RERE: variants seen among roughly 807,000 people sequenced by gnomAD.
RERE encodes the protein arginine-glutamic acid dipeptide repeats.
RERE carries 40 observed loss-of-function variants against 146.1 expected under a neutral mutation model. The ratio of observed to expected loss-of-function variants is 0.27; its 90% CI spans 0.21 to 0.36. The LOEUF is 0.36. RERE is among the 10% of genes least tolerant of loss of function. The pLI, the probability that RERE is intolerant of heterozygous loss-of-function variation, is 1.00. For missense variants in RERE, 1,933 were observed against 2,138.7 expected (o/e 0.90, Z 1.90); for synonymous variants, 1,003 against 866.0 (o/e 1.16, Z -2.78).
At chr1:8,595,252 G>A (rs1328488557) in intron 4 of RERE, among the ~76,000 whole-genome samples, 1 of 150,426 alleles carries the variant, frequency 6.6e-6, no homozygotes, top group Non-Finnish European at 1.5e-5. Context: ...TTGCCTATGT[G>A]GGTATCAACC....
intron 6 of RERE, among the ~76,000 whole-genome samples, chr1:8,542,177 AG>A (rs1645808371): frequency 6.6e-6 from 1 of 152,110 alleles, no homozygotes; most frequent in Admixed American, 6.6e-5. Context: ...ATTCCCAAAG[AG>A]GCAGGGGAGG....
Position 8,364,015 on chromosome 1 carries a change from TGAA to T in RERE, c.1740+38_1740+40del, listed in dbSNP as rs767498202. The T allele has an allele frequency of 3.2e-6, 5 of 1,584,238 alleles. No homozygotes were observed. Among genetic ancestry groups the T allele is most frequent in the Middle Eastern group, 3.4e-4 (2 of 5,864 alleles). The stretch of plus-strand genomic sequence containing the variant: ...CAAGCCCCCACACATCCCAGGAAAC[TGAA>T]GAAGTTGCCAGGAGCCCCATGGCCC... On this transcript the variant is annotated intron_variant, in intron 15 of 22. Transcript: ENST00000400908. This position sits in a 1 kb window ranked among gnomAD's most constrained non-coding sequence, Gnocchi z 5.1.
At chr1:8,551,022 G>T (rs1396344972) in intron 6 of RERE, among the ~76,000 whole-genome samples, 1 of 152,124 alleles carries the variant, frequency 6.6e-6, no homozygotes, top group South Asian at 2.1e-4. Flanking sequence ...CTAATTTAGG[G>T]CTCCTTGGCC....
chr1:8,546,454 A>G (rs1335636068), intron 6 of RERE, among the ~76,000 whole-genome samples: 6 of 152,076 alleles, frequency 3.9e-5, no homozygotes, highest in African/African-American at 1.2e-4. Context: ...TTTAATCGGA[A>G]TGATTTTTTT....
chr1:8,476,253 G>A (rs147197205), intron 10 of RERE, among the ~76,000 whole-genome samples: 3 of 152,284 alleles, frequency 2.0e-5, no homozygotes, highest in African/African-American at 7.2e-5. Flanking sequence ...CAGAGGTTCA[G>A]TATGTTTCTC....
chr1:8,563,241 G>A (rs1314126704), intron 4 of RERE, among the ~76,000 whole-genome samples: 2 of 152,164 alleles, frequency 1.3e-5, no homozygotes, highest in Non-Finnish European at 2.9e-5. Context: ...CCTAGAAACA[G>A]TCTTAATATC....
intron 11 of RERE, among the ~76,000 whole-genome samples, chr1:8,450,072 T>G (rs1472726293): frequency 6.6e-6 from 1 of 152,160 alleles, no homozygotes; most frequent in Non-Finnish European, 1.5e-5. Context: ...GCAAATCCCA[T>G]GAGAACAGTA....
chr1:8,768,220 T>C (rs1481121707), intron 1 of RERE, among the ~76,000 whole-genome samples: 1 of 152,202 alleles, frequency 6.6e-6, no homozygotes, highest in African/African-American at 2.4e-5. Flanking sequence ...TTTTCAGCTA[T>C]ACCTTAAAGA....
At chr1:8,401,831 C>A (rs1232339782) in intron 12 of RERE, among the ~76,000 whole-genome samples, 1 of 151,794 alleles carries the variant, frequency 6.6e-6, no homozygotes, top group Non-Finnish European at 1.5e-5. Flanking sequence ...GTAAACAATA[C>A]AACACAGTGT....
chr1:8,715,437 G>A (rs1224645728), intron 1 of RERE, among the ~76,000 whole-genome samples: 1 of 151,968 alleles, frequency 6.6e-6, no homozygotes, highest in Non-Finnish European at 1.5e-5. Context: ...CTTGAACCCA[G>A]GAGGCGGAGG....
At chr1:8,544,046 A>C (rs1446679341) in intron 6 of RERE, among the ~76,000 whole-genome samples, 1 of 152,212 alleles carries the variant, frequency 6.6e-6, no homozygotes, top group African/African-American at 2.4e-5. Context: ...AATGTCTCTC[A>C]TGTGTTCCTA....
In RERE at chr1:8,604,590, AAGGAAGGAAGGG is replaced by A. The variant is rs1296939428; in HGVS notation, c.522+9959_522+9970del. ...AGTTTAAAAAAAGAAGGAAGGAAGG[AAGGAAGGAAGGG>A]AGGGAGGGAGGGAGGGAGGGAGGAA... On this transcript the variant is annotated intron_variant, in intron 4 of 22. Transcript: ENST00000400908. 8.3e-5 allele frequency among the ~76,000 whole-genome samples: 7 copies of A among 84,438 alleles called. 1 individual carries two copies. The highest frequency in any genetic ancestry group is 7.4e-4 in the East Asian group (2 of 2,698). 55.4% of individuals were successfully genotyped at this position (84,438 alleles called of 152,430 possible).
In RERE at chr1:8,497,995, T is replaced by C. The variant is rs1289488413; in HGVS notation, c.880-466A>G. ...AGCTATCCTATTAGAATAGTGTTAC[T>C]CTTAAGACAGTCAATAGCAATATAA... On this transcript the variant is annotated intron_variant, in intron 8 of 22. Transcript: ENST00000400908. Among the ~76,000 whole-genome samples, 7 of 152,226 alleles carry C rather than the reference T, an allele frequency of 4.6e-5. No individual in the cohort carries two copies. In the East Asian group the frequency reaches 1.3e-3, roughly 29 times the overall value.
chr1:8,497,252 G>C (rs965752586), intron 9 of RERE, among the ~76,000 whole-genome samples, 153 bp downstream of exon 9: 8 of 152,158 alleles, frequency 5.3e-5, no homozygotes, highest in African/African-American at 1.7e-4. Context: ...GGTAAGAAGA[G>C]CCAGGGTCCC....
rs1174916180 is a variant in RERE, at chr1:8,588,696, T to C, written c.522+25865A>G. Reference sequence around the variant, plus strand: ...CAAACAAAATCTTTATGAAATACTTTTGATCATGAACTTATCTGCTAAATC... The same window carrying C: ...CAAACAAAATCTTTATGAAATACTTCTGATCATGAACTTATCTGCTAAATC... On this transcript the variant is annotated intron_variant, in intron 4 of 22. Transcript: ENST00000400908. 3.3e-5 allele frequency among the ~76,000 whole-genome samples: 5 copies of C among 152,228 alleles called. No homozygotes were observed. The East Asian group carries it at 5.8e-4, about 18-fold the overall frequency.
Position 8,736,597 on chromosome 1 carries a change from C to T in RERE, c.-144-80156G>A, listed in dbSNP as rs535067871. On this transcript the variant is annotated intron_variant, in intron 1 of 22. Transcript: ENST00000400908. ...ATATTTTATCAACTTCAAAACAATC[C>T]CCAAATTTCAAAAATATAATAATCT... 3.7e-4 allele frequency among the ~76,000 whole-genome samples: 56 copies of T among 152,080 alleles called. No homozygotes were observed. In the South Asian group the frequency reaches 0.011, roughly 30 times the overall value.
chr1:8,555,014 G>C (rs537083013), intron 6 of RERE, among the ~76,000 whole-genome samples: 4 of 152,234 alleles, frequency 2.6e-5, no homozygotes, highest in Admixed American at 1.3e-4. Flanking sequence ...GTCACACAAA[G>C]CTTGTGGAAG....
At chr1:8,370,545 C>T (rs112965385) in intron 12 of RERE, among the ~76,000 whole-genome samples, 2 of 152,136 alleles carry the variant, frequency 1.3e-5, no homozygotes, top group African/African-American at 4.8e-5. Flanking sequence ...AAATCCAGGC[C>T]GGGTTTTATT....
intron 12 of RERE, among the ~76,000 whole-genome samples, chr1:8,417,724 C>T (rs1643815958): frequency 6.6e-6 from 1 of 152,194 alleles, no homozygotes; most frequent in Non-Finnish European, 1.5e-5. Context: ...CCCACACTCA[C>T]CCATACACAT....
Sources: gnomAD v4.1 joint callset for allele counts (sites outside exome capture counted in the v4.1 genomes callset) on GRCh38, gnomAD v4.1.1 for gene constraint, Gnocchi (gnomAD v3.1) non-coding constraint, MANE v1.5 for transcripts, NCBI Gene and HGNC (gene_info 2026-07-23, HGNC 2026-07-21) for gene names.